Variants in ARNT observed in about 807,000 individuals in gnomAD.
The protein encoded by ARNT is aryl hydrocarbon receptor nuclear translocator, also known as class E basic helix-loop-helix protein 2.
ARNT carries 30 observed loss-of-function variants against 105.0 expected under a neutral mutation model. The ratio of observed to expected loss-of-function variants is 0.29; its 90% CI spans 0.21 to 0.39. The LOEUF (loss-of-function observed/expected upper bound fraction) is 0.39. Among genes scored for constraint, ARNT ranks in the 10% least tolerant of loss-of-function variants. The pLI is 1.00. For missense variants in ARNT, 748 were observed against 978.7 expected, an observed-to-expected ratio of 0.76 and a Z score of 3.15; for synonymous variants, 304 against 344.0, an observed-to-expected ratio of 0.88 and a Z score of 1.29.
At chr1:150,818,330 C>T in intron 14 of ARNT, 1 of 230,148 alleles carries the variant, frequency 4.3e-6, no homozygotes, top group Non-Finnish European at 8.4e-6. Flanking sequence ...TTTTTAAAAG[C>T]ATAGGTAAAA....
intron 2 of ARNT, chr1:150,853,348 A>G: frequency 3.6e-6 from 1 of 275,412 alleles, no homozygotes; most frequent in South Asian, 2.9e-5. Context: ...ACACTTTCCT[A>G]GAGTAGCAGT....
At chr1:150,847,047 A>G (rs1391742686) in intron 3 of ARNT, among the ~76,000 whole-genome samples, 5 of 152,154 alleles carry the variant, frequency 3.3e-5, no homozygotes, top group African/African-American at 9.7e-5. Flanking sequence ...TCGACCTCTT[A>G]TCTATTGCGC....
chr1:150,866,021 T>G (rs1426579335), intron 1 of ARNT, among the ~76,000 whole-genome samples: 1 of 151,964 alleles, frequency 6.6e-6, no homozygotes, highest in African/African-American at 2.4e-5. Context: ...TTCGCTCTTT[T>G]GCCCAGGCTG....
chr1:150,831,789 G>A (rs1367954777), intron 10 of ARNT, 29 bp downstream of exon 10: 1 of 1,521,414 alleles, frequency 6.6e-7, no homozygotes, highest in Non-Finnish European at 9.1e-7. Flanking sequence ...CTGTACCAAG[G>A]GGAAATATTT....
intron 10 of ARNT, among the ~76,000 whole-genome samples, chr1:150,830,567 T>C (rs1659188590): frequency 6.6e-6 from 1 of 152,186 alleles, no homozygotes; most frequent in Admixed American, 6.5e-5. Flanking sequence ...CAGAGTACTC[T>C]AAAAAACTAT....
intron 8 of ARNT, among the ~76,000 whole-genome samples, chr1:150,832,624 A>T (rs1268427002): frequency 6.6e-6 from 1 of 152,220 alleles, no homozygotes. Context: ...TCTCAACATC[A>T]AGAGTTGGCA....
intron 11 of ARNT, 66 bp from the exon 12 acceptor site, chr1:150,829,293 C>T (rs1021358202): frequency 4.8e-5 from 72 of 1,513,946 alleles, no homozygotes; most frequent in Non-Finnish European, 6.2e-5. Flanking sequence ...TTCCTATCTC[C>T]TCATGGTCTT....
chr1:150,812,139 TCA>T, intron 21 of ARNT, 29 bp from the exon 22 acceptor site: 1 of 1,512,876 alleles, frequency 6.6e-7, no homozygotes, highest in South Asian at 1.3e-5. Flanking sequence ...TAAGTTTGGG[TCA>T]CACACCTTGA....
chr1:150,829,518 T>C (rs1426790104), intron 11 of ARNT: 2 of 600,454 alleles, frequency 3.3e-6, no homozygotes, highest in African/African-American at 3.7e-5. Context: ...CAGGTTGATA[T>C]GGTACAAGTA....
At chr1:150,832,238 G>T in intron 9 of ARNT, 96 bp downstream of exon 9, 1 of 1,297,578 alleles carries the variant, frequency 7.7e-7, no homozygotes, top group Non-Finnish European at 1.1e-6. Flanking sequence ...GCAAGTGAGA[G>T]CTGCTGAAGG....
At chr1:150,827,234 G>A (rs908852409) in intron 12 of ARNT, among the ~76,000 whole-genome samples, 2 of 152,046 alleles carry the variant, frequency 1.3e-5, no homozygotes, top group Non-Finnish European at 2.9e-5. Flanking sequence ...ATTTGATGAT[G>A]TCTACTAAAT....
intron 2 of ARNT, among the ~76,000 whole-genome samples, chr1:150,856,885 G>T (rs1487406090): frequency 6.6e-6 from 1 of 151,740 alleles, no homozygotes; most frequent in African/African-American, 2.4e-5. Flanking sequence ...GCTTGAGCAG[G>T]AGTTTGAGGC....
intron 1 of ARNT, among the ~76,000 whole-genome samples, chr1:150,869,654 C>T (rs1432577620): frequency 6.6e-6 from 1 of 151,150 alleles, no homozygotes; most frequent in Admixed American, 6.6e-5. Context: ...CAGAGATCCT[C>T]CCACCACCTC....
intron 4 of ARNT, among the ~76,000 whole-genome samples, chr1:150,845,555 C>T (rs1260236630): frequency 6.6e-6 from 1 of 151,734 alleles, no homozygotes; most frequent in East Asian, 1.9e-4. Flanking sequence ...TTACAGTGAG[C>T]CGAGATTACA....
At chr1:150,858,616 A>AT (rs113986128) in intron 1 of ARNT, among the ~76,000 whole-genome samples, 156 bp from the exon 2 acceptor site, 62,133 of 137,930 alleles carry the variant, frequency 0.45, 14,435 homozygotes, top group South Asian at 0.63. Context: ...GCTCTTCTTG[A>AT]TTTTTTTTTT....
At chr1:150,832,042 G>T in intron 9 of ARNT, 139 bp from the exon 10 acceptor site, 3 of 723,724 alleles carry the variant, frequency 4.1e-6, no homozygotes, top group Non-Finnish European at 6.8e-6. Flanking sequence ...ACCCAAAAAT[G>T]ACCGCCACAT....
At chr1:150,876,293 A>G (rs1214529532) in intron 1 of ARNT, among the ~76,000 whole-genome samples, 1 of 152,168 alleles carries the variant, frequency 6.6e-6, no homozygotes, top group East Asian at 1.9e-4. Flanking sequence ...TGCCGCTCCA[A>G]CGGAGGTCAG....
At chr1:150,834,948 C>CACAT (rs960675599) in intron 7 of ARNT, 1 of 300,600 alleles carries the variant, frequency 3.3e-6, no homozygotes, top group Admixed American at 3.9e-5. Context: ...TATCTGTATA[C>CACAT]ACATACAGAC....
chr1:150,842,100 T>TA (rs1193596565), intron 5 of ARNT: 1 of 185,640 alleles, frequency 5.4e-6, no homozygotes, highest in African/African-American at 2.4e-5. Flanking sequence ...ATTTCCCTGT[T>TA]AAAGCACCAA....
Sources: allele counts gnomAD v4.1 joint callset (sites outside exome capture counted in the v4.1 genomes callset), GRCh38; gene constraint gnomAD v4.1.1; transcripts MANE v1.5; gene names NCBI Gene and HGNC (gene_info 2026-07-23, HGNC 2026-07-21).